The following NPAS2 variants were observed in gnomAD, a reference collection of about 807,000 sequenced individuals.
The protein encoded by NPAS2 is neuronal PAS domain protein 2.
NPAS2 carries 23 observed loss-of-function variants against 107.5 expected under a neutral mutation model. The ratio of observed to expected loss-of-function variants is 0.21; its 90% CI spans 0.15 to 0.30. The LOEUF (loss-of-function observed/expected upper bound fraction) is 0.30, where lower values mean the gene tolerates loss of function less well. Ranked by LOEUF, NPAS2 falls within the 10% of genes least tolerant of loss-of-function variation. The pLI is 1.00. For missense variants in NPAS2, 756 were observed against 1,043.3 expected (o/e 0.72, Z 3.79); for synonymous variants, 403 against 417.5 (o/e 0.97, Z 0.42).
chr2:100,855,056 A>G (rs1678469983), intron 1 of NPAS2, among the ~76,000 whole-genome samples: 1 of 152,240 alleles, frequency 6.6e-6, no homozygotes, highest in African/African-American at 2.4e-5. Flanking sequence ...TGTATTTTCA[A>G]AATTATACTC....
intron 5 of NPAS2, among the ~76,000 whole-genome samples, chr2:100,944,595 CA>C (rs1674774405): frequency 6.6e-6 from 1 of 152,204 alleles, no homozygotes; most frequent in Non-Finnish European, 1.5e-5. Context: ...GTAATTTTCT[CA>C]CCTGTAAGCA....
rs553646881 is a variant in NPAS2 at position 100,992,206 on chromosome 2, A to G, written c.2112-1141A>G. On this transcript the variant is annotated intron_variant, in intron 19 of 20. Transcript: ENST00000335681. ...AGGCGGGCGGATCACCTGAGGTCAG[A>G]AGTTCAAGACCAGTCTGGCCAACAT... 3.0e-4 allele frequency among the ~76,000 whole-genome samples: 46 copies of G among 152,296 alleles called. No homozygotes were observed. In the South Asian group the frequency reaches 8.5e-3, roughly 28 times the overall value.
At chr2:100,951,838 T>C (rs1675240295) in intron 7 of NPAS2, among the ~76,000 whole-genome samples, 1 of 152,112 alleles carries the variant, frequency 6.6e-6, no homozygotes, top group Admixed American at 6.5e-5. Flanking sequence ...CTTTGTTATA[T>C]GTGTTTTACC....
At chr2:100,855,713 A>G (rs1678511949) in intron 1 of NPAS2, among the ~76,000 whole-genome samples, 1 of 152,130 alleles carries the variant, frequency 6.6e-6, no homozygotes, top group Non-Finnish European at 1.5e-5. Context: ...AGCCCCTAGT[A>G]TGAGCCAGGC....
At chr2:100,918,233 TTCA>T (rs1396947745) in intron 2 of NPAS2, among the ~76,000 whole-genome samples, 2 of 152,024 alleles carry the variant, frequency 1.3e-5, no homozygotes, top group African/African-American at 2.4e-5. Context: ...GCAACATCTA[TTCA>T]TGAAATAAAA....
chr2:100,904,915 C>T, intron 2 of NPAS2, 129 bp downstream of exon 2: 2 of 695,804 alleles, frequency 2.9e-6, no homozygotes, highest in Non-Finnish European at 5.1e-6. Flanking sequence ...AGGACACACT[C>T]TCTGTGACAT....
At chr2:100,969,774 G>C (rs192514876) in intron 11 of NPAS2, among the ~76,000 whole-genome samples, 69 of 152,224 alleles carry the variant, frequency 4.5e-4, no homozygotes, top group African/African-American at 1.6e-3. Context: ...CTACACACCT[G>C]TACAGCATGC....
At position 100,892,551 on chromosome 2, in the gene NPAS2, A is replaced by G. The variant is rs1309986573; in HGVS notation, c.-22-12182A>G. On this transcript the variant is annotated intron_variant, in intron 1 of 20. Coordinates refer to ENST00000335681, the MANE Select transcript of NPAS2 (RefSeq NM_002518.4). ...CTGTGAGACCCGGCTCCTTGGGACA[A>G]GGCTGGAGAGGGCTAGTGTTAGGAT... Among the ~76,000 whole-genome samples the G allele has an allele frequency of 2.0e-5, 3 of 152,240 alleles. No individual in the cohort carries two copies. In the East Asian group the frequency reaches 5.8e-4, roughly 29 times the overall value.
intron 1 of NPAS2, among the ~76,000 whole-genome samples, chr2:100,852,179 G>C (rs946380362): frequency 6.6e-6 from 1 of 151,968 alleles, no homozygotes; most frequent in Non-Finnish European, 1.5e-5. Context: ...GGCGGATCAC[G>C]AGGTCAGGAG....
chr2:100,874,325 A>G (rs991315134), intron 1 of NPAS2, among the ~76,000 whole-genome samples: 8 of 152,176 alleles, frequency 5.3e-5, no homozygotes, highest in Admixed American at 2.0e-4. Context: ...GAGCAGAACA[A>G]CGATTGGTCA....
intron 19 of NPAS2, among the ~76,000 whole-genome samples, chr2:100,992,975 G>T (rs1230504311): frequency 1.3e-5 from 2 of 151,966 alleles, no homozygotes; most frequent in Non-Finnish European, 2.9e-5. Flanking sequence ...TGTCGCCCAG[G>T]CTGGAGTGCA....
intron 2 of NPAS2, among the ~76,000 whole-genome samples, chr2:100,918,722 G>A (rs1683038719): frequency 6.6e-6 from 1 of 152,144 alleles, no homozygotes; most frequent in Non-Finnish European, 1.5e-5. Flanking sequence ...TCTTAGATTA[G>A]CTAAAATTTA....
intron 1 of NPAS2, among the ~76,000 whole-genome samples, chr2:100,895,805 C>T (rs1321723893): frequency 3.9e-5 from 6 of 152,226 alleles, no homozygotes; most frequent in African/African-American, 7.2e-5. Flanking sequence ...CCCCTGCCTG[C>T]GGGTGCCTCT....
intron 1 of NPAS2, chr2:100,878,546 G>T: frequency 2.0e-6 from 2 of 985,374 alleles, no homozygotes; most frequent in Non-Finnish European, 2.4e-6. Context: ...AGGAACACCT[G>T]GTTTTAACCG....
chr2:100,988,310 C>T, intron 17 of NPAS2, 34 bp downstream of exon 17: 1 of 1,579,074 alleles, frequency 6.3e-7, no homozygotes. Flanking sequence ...CACTCCTTGC[C>T]TCTAGAGCAG....
intron 14 of NPAS2, chr2:100,977,203 G>C (rs60990648): frequency 0.012 from 2,004 of 165,886 alleles, 41 homozygotes; most frequent in African/African-American, 0.043. Flanking sequence ...AGAGGCTGGT[G>C]AAACTGCCCC....
upstream of NPAS2, chr2:100,820,089 AGGAGGCAGGGGAGGAGGCAGAGGC>A: frequency 6.8e-6 from 1 of 147,578 alleles, no homozygotes; most frequent in African/African-American, 2.5e-5. This position sits in a 1 kb window ranked among gnomAD's most constrained non-coding sequence, Gnocchi z 5.6. Context: ...GGGTGGAGGG[AGGAGGCAGGGGAGGAGGCAGAGGC>A]GGAGGCGGCT....
intron 1 of NPAS2, among the ~76,000 whole-genome samples, chr2:100,873,307 T>TATACACAC (rs1280164445): frequency 2.0e-3 from 84 of 41,884 alleles, no homozygotes; most frequent in East Asian, 3.7e-3. Context: ...TATATATATA[T>TATACACAC]ACACACACAC....
At chr2:100,821,251 T>A (rs1436907359) in intron 1 of NPAS2, 3 of 1,279,082 alleles carry the variant, frequency 2.3e-6, no homozygotes, top group Non-Finnish European at 3.1e-6. Flanking sequence ...GTAACTAGTT[T>A]TGTTGATTAA....
Sources: gnomAD v4.1 joint callset for allele counts (sites outside exome capture counted in the v4.1 genomes callset) on GRCh38, gnomAD v4.1.1 for gene constraint, Gnocchi (gnomAD v3.1) non-coding constraint, MANE v1.5 for transcripts, NCBI Gene and HGNC (gene_info 2026-07-23, HGNC 2026-07-21) for gene names.